PPP1R12B: variants seen among roughly 807,000 people sequenced by gnomAD.
PPP1R12B encodes protein phosphatase 1 regulatory subunit 12B.
In PPP1R12B, 76 loss-of-function variants were observed where a neutral mutation model predicts 126.1. That is an observed-to-expected ratio of 0.60 (90% CI 0.50 to 0.73). The LOEUF (loss-of-function observed/expected upper bound fraction) is 0.73, where lower values mean the gene tolerates loss of function less well. PPP1R12B is among the 30% of genes least tolerant of loss of function. The pLI, the probability that PPP1R12B is intolerant of heterozygous loss-of-function variation, is 0.00. For missense variants in PPP1R12B, 1,052 were observed against 1,205.1 expected, an observed-to-expected ratio of 0.87 and a Z score of 1.88; for synonymous variants, 356 against 434.7, an observed-to-expected ratio of 0.82 and a Z score of 2.25.
chr1:202,358,694 A>AC (rs1251480343), intron 1 of PPP1R12B, among the ~76,000 whole-genome samples: 1 of 152,160 alleles, frequency 6.6e-6, no homozygotes, highest in African/African-American at 2.4e-5. Flanking sequence ...AAAAAAAAAA[A>AC]AAAACTGAAA....
chr1:202,449,273 A>G, intron 13 of PPP1R12B, 102 bp downstream of exon 13: 1 of 1,460,586 alleles, frequency 6.8e-7, no homozygotes, highest in Non-Finnish European at 9.1e-7. Flanking sequence ...CGTTTATGAA[A>G]ATATGTCTTT....
intron 22 of PPP1R12B, among the ~76,000 whole-genome samples, chr1:202,568,701 C>T (rs1688301815): frequency 6.6e-6 from 1 of 152,128 alleles, no homozygotes; most frequent in African/African-American, 2.4e-5. Context: ...ACAATGATGT[C>T]TACTTCCCGG....
At chr1:202,492,538 C>T (rs191903698) in intron 14 of PPP1R12B, among the ~76,000 whole-genome samples, 12 of 152,306 alleles carry the variant, frequency 7.9e-5, no homozygotes, top group Admixed American at 7.8e-4. Context: ...CTTGCTGCCC[C>T]TGTGACACTG....
At chr1:202,432,948 G>A (rs1308758264) in intron 8 of PPP1R12B, among the ~76,000 whole-genome samples, 5 of 152,184 alleles carry the variant, frequency 3.3e-5, no homozygotes, top group African/African-American at 1.2e-4. Flanking sequence ...TCCATGATGG[G>A]AGAATACTAC....
chr1:202,372,359 C>G (rs1319025340), intron 1 of PPP1R12B, among the ~76,000 whole-genome samples: 2 of 151,624 alleles, frequency 1.3e-5, no homozygotes, highest in Non-Finnish European at 2.9e-5. Context: ...CAAAAATTAG[C>G]CAGGTATGGT....
intron 18 of PPP1R12B, among the ~76,000 whole-genome samples, chr1:202,533,833 T>C (rs1684254833): frequency 6.6e-6 from 1 of 152,212 alleles, no homozygotes; most frequent in Non-Finnish European, 1.5e-5. Flanking sequence ...GCCAGGTTTC[T>C]CCATGGTAAA....
At position 202,587,363 on chromosome 1, in the gene PPP1R12B, C is replaced by G. The variant is rs1689879169; in HGVS notation, c.*6803C>G. 1 of 152,200 alleles carries G rather than the reference C, an allele frequency of 6.6e-6. No individual in the cohort carries two copies. The highest frequency in any genetic ancestry group is 6.5e-5 in the Admixed American group (1 of 15,272). 9.4% of individuals were successfully genotyped at this position (152,200 alleles called of 1,614,324 possible). A position where few individuals can be genotyped will look rare whatever the true frequency, so the allele number is the denominator to read the frequency against. ...TATACCAACCACCACCACCACCGCC[C>G]CCTATTCCAGTTTCAAAGCTCCTCG... On this transcript the variant is annotated 3_prime_UTR_variant, in exon 24 of 24. Transcript: ENST00000608999.
At chr1:202,426,943 A>T (rs1669604697) in intron 4 of PPP1R12B, 97 bp from the exon 5 acceptor site, 1 of 1,504,876 alleles carries the variant, frequency 6.6e-7, no homozygotes, top group Non-Finnish European at 8.8e-7. Flanking sequence ...CCTGTGGTTC[A>T]GGGCCAAAAT....
At chr1:202,386,905 C>A (rs1663236537) in intron 1 of PPP1R12B, among the ~76,000 whole-genome samples, 1 of 152,118 alleles carries the variant, frequency 6.6e-6, no homozygotes, top group South Asian at 2.1e-4. Context: ...CACAACTTTT[C>A]ATGGCATCCT....
rs147908554 is a variant in PPP1R12B, at chr1:202,354,878, T to C, written c.291+5736T>C. Among the ~76,000 whole-genome samples, 1,221 of 147,032 alleles carry C rather than the reference T, an allele frequency of 8.3e-3. 10 individuals carry two copies. Among genetic ancestry groups the C allele is most frequent in the Non-Finnish European group, 0.014 (944 of 67,136 alleles). On this transcript the variant is annotated intron_variant, in intron 1 of 23. Coordinates refer to ENST00000608999, the MANE Select transcript of PPP1R12B (RefSeq NM_002481.4). ...TCTTGCTCCGTCGCCCAGGCTGGAG[T>C]GCAGTGGTGTGATCTCAGCTCACTG...
chr1:202,518,409 T>C (rs1279837883), intron 18 of PPP1R12B, among the ~76,000 whole-genome samples: 1 of 152,222 alleles, frequency 6.6e-6, no homozygotes, highest in Non-Finnish European at 1.5e-5. Context: ...CATAGTTTGC[T>C]TTACCATTCC....
chr1:202,569,216 T>C lies in PPP1R12B; in HGVS notation c.2862+19T>C, dbSNP rs375118585. 50 of 1,607,948 alleles carry C rather than the reference T, an allele frequency of 3.1e-5. 1 individual carries two copies. In the African/African-American group the frequency reaches 6.1e-4, roughly 20 times the overall value. On this transcript the variant is annotated intron_variant, in intron 23 of 23. Transcript: ENST00000608999. ...AATGAAGGTATGAAGAGATTTTCTT[T>C]CTTTTTGTATGCCTGTTCTCTGAAT...
chr1:202,494,712 AAAAAG>A (rs572413322), intron 15 of PPP1R12B, among the ~76,000 whole-genome samples: 249 of 152,084 alleles, frequency 1.6e-3, no homozygotes, highest in African/African-American at 2.6e-3. Flanking sequence ...TCTCAAAAAA[AAAAAG>A]AAAAGAAAAG....
At chr1:202,472,892 A>G (rs572773433) in intron 13 of PPP1R12B, among the ~76,000 whole-genome samples, 1 of 152,156 alleles carries the variant, frequency 6.6e-6, no homozygotes, top group African/African-American at 2.4e-5. Context: ...AGCCTTGCCT[A>G]TTCATTTATG....
At chr1:202,519,521 C>T (rs912463207) in intron 18 of PPP1R12B, among the ~76,000 whole-genome samples, 4 of 152,168 alleles carry the variant, frequency 2.6e-5, no homozygotes, top group African/African-American at 9.7e-5. Context: ...ATCCGCCCAC[C>T]TCTGCCTCCC....
rs1328194038 is a variant in PPP1R12B, at chr1:202,588,711, A to C, written c.*8151A>C. 1.3e-5 allele frequency: 2 copies of C among 152,098 alleles called. No individual in the cohort carries two copies. The highest frequency in any genetic ancestry group is 2.9e-5 in the Non-Finnish European group (2 of 68,040). The allele number at this position is 152,098 out of a possible 1,614,324, so 9.4% of individuals were successfully genotyped here. On this transcript the variant is annotated 3_prime_UTR_variant, in exon 24 of 24. Transcript: ENST00000608999. The stretch of plus-strand genomic sequence containing the variant: ...CTGTCCACATAGAGGCCCCTTCCCC[A>C]GGGACAGCCACAGTGAGTCATGGCC...
intron 18 of PPP1R12B, among the ~76,000 whole-genome samples, chr1:202,553,436 G>A (rs536504280): frequency 6.6e-6 from 1 of 152,274 alleles, no homozygotes; most frequent in Admixed American, 6.5e-5. Flanking sequence ...ACTTAGAGAA[G>A]TTCTAAGACT....
intron 1 of PPP1R12B, among the ~76,000 whole-genome samples, chr1:202,361,825 G>A (rs1233355342): frequency 6.6e-6 from 1 of 152,162 alleles, no homozygotes; most frequent in Non-Finnish European, 1.5e-5. Flanking sequence ...TAGGAAGAGT[G>A]TCCATTCTAG....
intron 1 of PPP1R12B, among the ~76,000 whole-genome samples, chr1:202,355,299 A>G (rs1394121363): frequency 6.6e-6 from 1 of 152,226 alleles, no homozygotes; most frequent in African/African-American, 2.4e-5. Context: ...AGTCTGTACT[A>G]GAGTATATAT....
Sources: allele counts gnomAD v4.1 joint callset (sites outside exome capture counted in the v4.1 genomes callset), GRCh38; gene constraint gnomAD v4.1.1; transcripts MANE v1.5; gene names NCBI Gene and HGNC (gene_info 2026-07-23, HGNC 2026-07-21).